The following SV2C variants were observed in gnomAD, a reference collection of about 807,000 sequenced individuals.
The protein encoded by SV2C is solute carrier family 22 member B3.
SV2C carries 49 observed loss-of-function variants against 79.7 expected under a neutral mutation model. The observed-to-expected ratio is 0.61, with a 90% CI of 0.49 to 0.78. The LOEUF is 0.78. Ranked by LOEUF, SV2C falls within the 30% of genes least tolerant of loss-of-function variation. The pLI, the probability that SV2C is intolerant of heterozygous loss-of-function variation, is 0.00. For missense variants in SV2C, 833 were observed against 912.9 expected (o/e 0.91, Z 1.13); for synonymous variants, 334 against 333.2 (o/e 1.00, Z -0.03).
chr5:75,906,380 T>A, the SV2C span, among the ~76,000 whole-genome samples: 1 of 152,056 alleles, frequency 6.6e-6, no homozygotes, highest in Non-Finnish European at 1.5e-5. Flanking sequence ...GTATGAAGAA[T>A]GCAAAAGTTG....
intron 2 of SV2C, among the ~76,000 whole-genome samples, chr5:76,135,044 C>A (rs1192195067): frequency 6.6e-6 from 1 of 152,140 alleles, no homozygotes; most frequent in Non-Finnish European, 1.5e-5. Context: ...GCAGGGAGAA[C>A]ATGTTACAGG....
chr5:76,073,656 C>G, the SV2C span, among the ~76,000 whole-genome samples: 243 of 150,758 alleles, frequency 1.6e-3, no homozygotes, highest in African/African-American at 5.6e-3. Context: ...GAATGGAAAA[C>G]CAAACATCAT....
the SV2C span, among the ~76,000 whole-genome samples, chr5:75,847,888 A>G: frequency 0.13 from 19,972 of 152,182 alleles, 1,514 homozygotes; most frequent in Middle Eastern, 0.2. Context: ...ATCTTCCTTA[A>G]GTCTCAGGAT....
At chr5:75,903,363 A>C in the SV2C span, among the ~76,000 whole-genome samples, 1 of 140,318 alleles carries the variant, frequency 7.1e-6, no homozygotes, top group Non-Finnish European at 1.6e-5. Context: ...TACCACAAAA[A>C]GGTGTTTTTT....
chr5:76,043,459 T>C, the SV2C span, among the ~76,000 whole-genome samples: 1 of 152,216 alleles, frequency 6.6e-6, no homozygotes, highest in Non-Finnish European at 1.5e-5. Flanking sequence ...TAACCCAGAT[T>C]CAAGTTTAGG....
the SV2C span, among the ~76,000 whole-genome samples, chr5:75,884,080 A>T: frequency 6.6e-6 from 1 of 152,118 alleles, no homozygotes; most frequent in Non-Finnish European, 1.5e-5. Context: ...ATGCTATTGA[A>T]CTTCGGGAAG....
intron 2 of SV2C, among the ~76,000 whole-genome samples, chr5:76,135,903 C>G (rs1157669632): frequency 1.3e-5 from 2 of 152,222 alleles, no homozygotes; most frequent in Non-Finnish European, 2.9e-5. Context: ...TACCCCGACT[C>G]TAGTCCATTA....
intron 12 of SV2C, among the ~76,000 whole-genome samples, chr5:76,315,283 C>T (rs567954864): frequency 6.6e-6 from 1 of 151,852 alleles, no homozygotes; most frequent in South Asian, 2.1e-4. Flanking sequence ...CAATTGCATT[C>T]AGTCTTTTCT....
the SV2C span, among the ~76,000 whole-genome samples, chr5:75,982,121 C>T: frequency 6.7e-6 from 1 of 150,302 alleles, no homozygotes; most frequent in Non-Finnish European, 1.5e-5. Flanking sequence ...GGGAGATATA[C>T]CTAATGCTAG....
chr5:76,141,248 T>G (rs1205142059), intron 2 of SV2C, among the ~76,000 whole-genome samples: 1 of 152,188 alleles, frequency 6.6e-6, no homozygotes, highest in East Asian at 1.9e-4. Flanking sequence ...ACGGTGAGAA[T>G]TTGATAGGAA....
the SV2C span, among the ~76,000 whole-genome samples, chr5:75,947,737 A>G: frequency 6.6e-6 from 1 of 152,018 alleles, no homozygotes; most frequent in Admixed American, 6.6e-5. Context: ...TCTCAAATAT[A>G]ACCCCTTATT....
At chr5:76,174,706 C>T (rs1037663444) in intron 2 of SV2C, among the ~76,000 whole-genome samples, 4 of 152,352 alleles carry the variant, frequency 2.6e-5, no homozygotes, top group East Asian at 3.9e-4. Context: ...TTAGCTTGTA[C>T]GCTGCACGAA....
the SV2C span, among the ~76,000 whole-genome samples, chr5:76,017,948 G>A: frequency 6.6e-6 from 1 of 152,076 alleles, no homozygotes; most frequent in Non-Finnish European, 1.5e-5. Flanking sequence ...GGTTTCATGG[G>A]TTTTGAGAGG....
chr5:76,209,729 T>A lies in SV2C; in HGVS notation c.762-7T>A. 6.2e-7 allele frequency: 1 copy of A among 1,613,480 alleles called. No homozygotes were observed. Among genetic ancestry groups the A allele is most frequent in the Non-Finnish European group, 8.5e-7 (1 of 1,179,632 alleles). Reference sequence around the variant, plus strand: ...TGATTTCATGTATTCTCTGTACCTCTTGGCAGGATTGGAGGAGCCATACCC... The same window carrying A: ...TGATTTCATGTATTCTCTGTACCTCATGGCAGGATTGGAGGAGCCATACCC... On this transcript the variant is annotated splice_polypyrimidine_tract_variant and splice_region_variant and intron_variant, in intron 3 of 12. Coordinates refer to ENST00000502798, the MANE Select transcript of SV2C (RefSeq NM_014979.4).
chr5:76,336,090 G>T (rs566381592), downstream of SV2C, among the ~76,000 whole-genome samples: 63 of 55,776 alleles, frequency 1.1e-3, no homozygotes, highest in African/African-American at 1.5e-3. Flanking sequence ...GCGGCTGGCC[G>T]GGCGGGGGTC....
the SV2C span, among the ~76,000 whole-genome samples, chr5:76,022,608 G>A: frequency 3.9e-5 from 6 of 152,168 alleles, no homozygotes; most frequent in Admixed American, 3.3e-4. Flanking sequence ...TGCGGTAACA[G>A]GGATAATTTT....
the SV2C span, among the ~76,000 whole-genome samples, chr5:75,970,413 T>C: frequency 6.6e-6 from 1 of 151,860 alleles, no homozygotes; most frequent in South Asian, 2.1e-4. Context: ...TCAACACTAT[T>C]GATAGACTGC....
the SV2C span, among the ~76,000 whole-genome samples, chr5:75,969,403 A>G: frequency 6.6e-6 from 1 of 152,238 alleles, no homozygotes; most frequent in Non-Finnish European, 1.5e-5. Flanking sequence ...GTCAAGACCC[A>G]TAAGTGTGCT....
intron 4 of SV2C, among the ~76,000 whole-genome samples, chr5:76,273,170 T>TATATATATATAC (rs144534109): frequency 6.6e-5 from 8 of 121,996 alleles, no homozygotes; most frequent in African/African-American, 2.2e-4. Flanking sequence ...TATATATATA[T>TATATATATATAC]ACACACATAT....
Sources: gnomAD v4.1 joint callset for allele counts (sites outside exome capture counted in the v4.1 genomes callset) on GRCh38, gnomAD v4.1.1 for gene constraint, MANE v1.5 for transcripts, NCBI Gene and HGNC (gene_info 2026-07-23, HGNC 2026-07-21) for gene names.